The following SBF1 variants were observed in gnomAD, a reference collection of about 807,000 sequenced individuals.
SBF1 encodes the protein myotubularin-related protein 5.
In SBF1, 65 loss-of-function variants were observed where a neutral mutation model predicts 215.8. The ratio of observed to expected loss-of-function variants is 0.30; its 90% CI spans 0.25 to 0.37. SBF1 has a LOEUF of 0.37. Among genes scored for constraint, SBF1 ranks in the 10% least tolerant of loss-of-function variants. The probability of loss-of-function intolerance (pLI) is 1.00; values close to 1 mark genes in which losing one functional copy is unlikely to be tolerated. For synonymous variants in SBF1, 1,410 were observed against 1,122.8 expected (o/e 1.26, Z -5.11); for missense variants, 2,634 against 2,667.8 (o/e 0.99, Z 0.28).
Position 50,461,503 on chromosome 22 carries a change from C to T in SBF1, c.2839+20G>A, listed in dbSNP as rs753129009. 1 of 1,581,988 alleles carries T rather than the reference C, an allele frequency of 6.3e-7. No individual in the cohort carries two copies. Among genetic ancestry groups the T allele is most frequent in the East Asian group, 2.3e-5 (1 of 44,210 alleles). ...CCTGGGGGAGAGGGGGCGACAGGGCCAGAGAGTCTGCAGGCTCACCCAGGG... is the reference window on the plus strand; with the variant it reads ...CCTGGGGGAGAGGGGGCGACAGGGCTAGAGAGTCTGCAGGCTCACCCAGGG... On this transcript the variant is annotated intron_variant, in intron 22 of 40. Coordinates refer to ENST00000380817, the MANE Select transcript of SBF1 (RefSeq NM_002972.4).
Position 50,469,512 on chromosome 22 carries a change from T to C in SBF1, c.56-1051A>G, listed in dbSNP as rs557298413. Reference sequence around the variant, plus strand: ...GGGGACCACAGTGGGACACTCAGGGTGTGGCTCCCGCAGCAGGACGGCTCC... The same window carrying C: ...GGGGACCACAGTGGGACACTCAGGGCGTGGCTCCCGCAGCAGGACGGCTCC... On this transcript the variant is annotated intron_variant, in intron 1 of 40. Transcript: ENST00000380817. 1.4e-3 allele frequency among the ~76,000 whole-genome samples: 210 copies of C among 152,146 alleles called. 1 individual carries two copies. The highest frequency in any genetic ancestry group is 4.8e-3 in the African/African-American group (201 of 41,494).
Position 50,474,942 on chromosome 22 carries a change from C to T in SBF1, c.-102G>A. 2 of 787,806 alleles carry T rather than the reference C, an allele frequency of 2.5e-6. No individual in the cohort carries two copies. The highest frequency in any genetic ancestry group is 3.4e-6 in the Non-Finnish European group (2 of 593,588). The allele number at this position is 787,806 out of a possible 1,614,324, so 48.8% of individuals were successfully genotyped here. On this transcript the variant is annotated 5_prime_UTR_variant, in exon 1 of 41. In the 5' UTR this introduces an upstream ATG that the reference lacks. Coordinates refer to ENST00000380817, the MANE Select transcript of SBF1 (RefSeq NM_002972.4). ...CCCGGCCCCGGCCCTGGACCGCGCACCCCGGACACCCCTGGTTCGCTCCGC... is the reference window on the plus strand; with the variant it reads ...CCCGGCCCCGGCCCTGGACCGCGCATCCCGGACACCCCTGGTTCGCTCCGC...
chr22:50,470,729 G>A (rs992915411), intron 1 of SBF1, among the ~76,000 whole-genome samples: 3 of 152,208 alleles, frequency 2.0e-5, no homozygotes, highest in African/African-American at 4.8e-5. Flanking sequence ...TGTAGAACAC[G>A]TACAGTCGGC....
chr22:50,461,641 A>G lies in SBF1; in HGVS notation c.2721T>C (p.Asp907=), dbSNP rs2067517802. 1 of 1,611,308 alleles carries G rather than the reference A, an allele frequency of 6.2e-7. No homozygotes were observed. Among genetic ancestry groups the G allele is most frequent in the South Asian group, 1.1e-5 (1 of 91,054 alleles). The change falls in exon 22 of 41, where the codon GAT becomes GAC. Residue 907 remains aspartate (D), a synonymous_variant. Coordinates refer to ENST00000380817, the MANE Select transcript of SBF1 (RefSeq NM_002972.4). The part of the protein sequence containing the change: ...LDGLRVYLLP[D]GREEGAGGSA... ...TGCCCCCCGCGCCCTCCTCACGCCC[A>G]TCCGGCAGCAGGTAGACGCGCAGGC...
At chr22:50,460,210 G>A (rs958241343) in intron 25 of SBF1, 51 bp from the exon 26 acceptor site, 1 of 1,604,752 alleles carries the variant, frequency 6.2e-7, no homozygotes, top group Non-Finnish European at 8.5e-7. Flanking sequence ...CGCCTGCCCT[G>A]ATCCTCCCTG....
rs1175956517 is a variant in SBF1, at chr22:50,459,272, G to C, written c.3809C>G (p.Ala1270Gly). The C allele has an allele frequency of 8.1e-6, 13 of 1,606,034 alleles. No individual in the cohort carries two copies. Among genetic ancestry groups the C allele is most frequent in the Non-Finnish European group, 1.1e-5 (13 of 1,174,264 alleles). Residue 1270 changes from alanine (A) to glycine (G), a missense_variant, in exon 28 of 41, where the codon GCC (alanine) becomes GGC (glycine). Physicochemically the swap from Ala to Gly is moderately conservative, Grantham distance 60. Transcript: ENST00000380817. ...GRNTLSGFSS[A>G]HMGSHVPSPR... Reference sequence around the variant, plus strand: ...ACCCTCACCGTGACTGCCCATGTGGGCTGAGGAGAAGCCGCTAAGCGTGTT... The same window carrying C: ...ACCCTCACCGTGACTGCCCATGTGGCCTGAGGAGAAGCCGCTAAGCGTGTT...
chr22:50,464,445 C>T lies in SBF1; in HGVS notation c.1637-4G>A, dbSNP rs770901545. 7.4e-6 allele frequency: 12 copies of T among 1,612,342 alleles called. No individual in the cohort carries two copies. Among genetic ancestry groups the T allele is most frequent in the Admixed American group, 3.3e-5 (2 of 59,914 alleles). Reference sequence around the variant, plus strand: ...CTGCACCGCTCCAGTATGGCAGCTGCGGGGACAGAATACACACACTCGGAC... The same window carrying T: ...CTGCACCGCTCCAGTATGGCAGCTGTGGGGACAGAATACACACACTCGGAC... On this transcript the variant is annotated splice_region_variant and splice_polypyrimidine_tract_variant and intron_variant, in intron 14 of 40. Transcript: ENST00000380817.
chr22:50,460,872 T>C (rs1470645139), intron 23 of SBF1, among the ~76,000 whole-genome samples, 160 bp from the exon 24 acceptor site: 2 of 152,166 alleles, frequency 1.3e-5, no homozygotes, highest in African/African-American at 4.8e-5. Flanking sequence ...CAAGCGCTTG[T>C]GTAAACTCGA....
chr22:50,447,181 C>T lies in SBF1; in HGVS notation c.5643G>A (p.Gln1881=). 2.5e-6 allele frequency: 4 copies of T among 1,613,496 alleles called. No individual in the cohort carries two copies. Among genetic ancestry groups the T allele is most frequent in the Non-Finnish European group, 3.4e-6 (4 of 1,179,970 alleles). ...GGCAGCTCTGGATCCGGTCCACCCA[C>T]TGCTGGGCCGAGGGCACGTCCTGGG... ...FCAQDVPSAQ[Q]WVDRIQSCLS... Residue 1881 remains glutamine (Q), a synonymous_variant, in exon 41 of 41, where the codon CAG becomes CAA. Coordinates refer to ENST00000380817, the MANE Select transcript of SBF1 (RefSeq NM_002972.4).
rs2067462858 is a variant in SBF1, at chr22:50,460,558, G to A, written c.3122C>T (p.Thr1041Ile). Residue 1041 changes from threonine to isoleucine, a missense_variant, in exon 24 of 41, where the codon ACC (threonine) becomes ATC (isoleucine). Thr to Ile is a moderately conservative substitution (Grantham distance 89, BLOSUM62 -1). Coordinates refer to ENST00000380817, the MANE Select transcript of SBF1 (RefSeq NM_002972.4). ...AHTPGRPPRV[T>I]KDKGPSLRTL... ...CCTGAGGGAAGGACCCTTGTCCTTG[G>A]TGACTCGCGGTGGCCGGCCAGGTGT... The A allele has an allele frequency of 6.2e-7, 1 of 1,614,096 alleles. No homozygotes were observed. Among genetic ancestry groups the A allele is most frequent in the Non-Finnish European group, 8.5e-7 (1 of 1,180,008 alleles).
Position 50,461,123 on chromosome 22 carries a change from G to A in SBF1, c.2967+36C>T, listed in dbSNP as rs748975946. 1.5e-5 allele frequency: 24 copies of A among 1,563,582 alleles called. No individual in the cohort carries two copies. In the Middle Eastern group the frequency reaches 7.1e-4, roughly 46 times the overall value. On this transcript the variant is annotated intron_variant, in intron 23 of 40. Transcript: ENST00000380817. ...CGGTTTGCAGGAGAAAGACCAGGGC[G>A]GGGGATGAGAGCCCCACCCGCGCAC...
rs2066847577 is a variant in SBF1 at position 50,446,938 on chromosome 22, C to A, written c.*204G>T. The A allele has an allele frequency of 1.4e-6, 1 of 712,340 alleles. No individual in the cohort carries two copies. The highest frequency in any genetic ancestry group is 2.5e-6 in the Non-Finnish European group (1 of 392,326). 44.1% of individuals were successfully genotyped at this position (712,340 alleles called of 1,614,324 possible). On this transcript the variant is annotated 3_prime_UTR_variant, in exon 41 of 41. Coordinates refer to ENST00000380817, the MANE Select transcript of SBF1 (RefSeq NM_002972.4). ...GGGCTGTACCTTGGCCACCTCCCGG[C>A]ACGGTGCTCAGCTGTGACGCCAAAA...
rs777450714 is a variant in SBF1 at position 50,464,696 on chromosome 22, G to A, written c.1474C>T (p.Pro492Ser). Residue 492 changes from proline (P) to serine (S), a missense_variant, in exon 14 of 41, where the codon CCC (proline) becomes TCC (serine). Pro to Ser is a moderately conservative substitution (Grantham distance 74). Coordinates refer to ENST00000380817, the MANE Select transcript of SBF1 (RefSeq NM_002972.4). The part of the protein sequence containing the change: ...PAVAMHKVQR[P>S]GESSHLRRVP... ...CGTCGCAGGTGGCTGCTCTCACCGG[G>A]CCTCTGTACCTTGTGCATCGCCACG... The A allele has an allele frequency of 2.5e-6, 4 of 1,607,436 alleles. No individual in the cohort carries two copies.
In SBF1 at chr22:50,448,626, A is replaced by G. The variant is rs1476217330; in HGVS notation, c.5068T>C (p.Leu1690=). Residue 1690 remains leucine (L), a synonymous_variant, in exon 37 of 41, where the codon TTG becomes CTG. Transcript: ENST00000380817. Reference sequence around the variant, plus strand: ...TTCCAGCGCTCAGCGGGTTGGCCCAACTCTGTCTCCAGCCTCTGCAGCTCC... The same window carrying G: ...TTCCAGCGCTCAGCGGGTTGGCCCAGCTCTGTCTCCAGCCTCTGCAGCTCC... ...LEELQRLETE[L]GQPAERWKDT... The G allele has an allele frequency of 1.2e-6, 2 of 1,611,444 alleles. No homozygotes were observed. Among genetic ancestry groups the G allele is most frequent in the Non-Finnish European group, 1.7e-6 (2 of 1,179,978 alleles).
At chr22:50,457,190 A>G in intron 28 of SBF1, 79 bp from the exon 29 acceptor site, 1 of 1,198,762 alleles carries the variant, frequency 8.3e-7, no homozygotes, top group Non-Finnish European at 1.1e-6. Context: ...TACAGGTCAG[A>G]GGGTTCCACC....
intron 36 of SBF1, among the ~76,000 whole-genome samples, chr22:50,449,667 G>A (rs542072769): frequency 1.4e-5 from 2 of 140,010 alleles, no homozygotes; most frequent in Non-Finnish European, 3.1e-5. Flanking sequence ...CCCCAAAATG[G>A]GACAGAAAAA....
intron 23 of SBF1, 136 bp from the exon 24 acceptor site, chr22:50,460,848 G>A (rs2067477966): frequency 9.8e-7 from 1 of 1,024,866 alleles, no homozygotes; most frequent in South Asian, 1.6e-5. Flanking sequence ...GCCTGTATCT[G>A]TGTCACACGA....
intron 26 of SBF1, 126 bp from the exon 27 acceptor site, chr22:50,459,792 GC>G (rs1170992906): frequency 8.3e-6 from 11 of 1,317,890 alleles, no homozygotes; most frequent in South Asian, 2.8e-5. Context: ...CAGCCACGGG[GC>G]CCCCCAGCCA....
Position 50,459,595 on chromosome 22 carries a change from C to T in SBF1, c.3563G>A (p.Arg1188His), listed in dbSNP as rs747262613. The stretch of plus-strand genomic sequence containing the variant: ...GCAGACCACGGGGAAGCGGTTCTGG[C>T]GGTAGCAGCGGGACACGCGCTGCAG... The part of the protein sequence containing the change: ...NALQRVSRCY[R>H]QNRFPVVCWR... The change falls in exon 27 of 41, where the codon CGC (arginine) becomes CAC (histidine). Residue 1188 changes from arginine (R) to histidine (H), a missense_variant. Transcript: ENST00000380817. The T allele has an allele frequency of 3.4e-5, 54 of 1,609,964 alleles. No individual in the cohort carries two copies. Among genetic ancestry groups the T allele is most frequent in the Non-Finnish European group, 4.0e-5 (47 of 1,178,998 alleles).
Sources: allele counts gnomAD v4.1 joint callset (sites outside exome capture counted in the v4.1 genomes callset), GRCh38; gene constraint gnomAD v4.1.1; transcripts MANE v1.5; gene names NCBI Gene and HGNC (gene_info 2026-07-23, HGNC 2026-07-21).